Variants in ZNF618 observed in about 807,000 individuals in gnomAD.
ZNF618 encodes the protein neural precursor cell expressed, developmentally down-regulated 10.
Under a neutral mutation model 103.0 loss-of-function variants are expected in ZNF618, and 34 were observed. The observed-to-expected ratio is 0.33, with a 90% CI of 0.25 to 0.44. ZNF618 has a LOEUF of 0.44. ZNF618 is among the 20% of genes least tolerant of loss of function. The pLI is 1.00. For synonymous variants in ZNF618, 551 were observed against 542.2 expected (o/e 1.02, Z -0.23); for missense variants, 1,059 against 1,295.4 (o/e 0.82, Z 2.80).
At chr9:113,929,423 T>G (rs1449982614) in intron 1 of ZNF618, among the ~76,000 whole-genome samples, 1 of 152,206 alleles carries the variant, frequency 6.6e-6, no homozygotes, top group Non-Finnish European at 1.5e-5. Flanking sequence ...TTTTGCAGCT[T>G]TTTTCTTGTT....
intron 1 of ZNF618, among the ~76,000 whole-genome samples, chr9:113,958,367 A>T (rs1400556264): frequency 6.6e-6 from 1 of 152,192 alleles, no homozygotes; most frequent in Non-Finnish European, 1.5e-5. Flanking sequence ...ATTAAATGAA[A>T]TGATGCATGC....
intron 1 of ZNF618, among the ~76,000 whole-genome samples, chr9:113,906,486 G>T (rs1024488043): frequency 2.6e-5 from 4 of 152,154 alleles, no homozygotes; most frequent in African/African-American, 9.7e-5. Context: ...AGTGGGGGTG[G>T]CTGGGGAGGA....
intron 1 of ZNF618, among the ~76,000 whole-genome samples, chr9:113,918,867 T>C (rs955363732): frequency 6.6e-6 from 1 of 152,194 alleles, no homozygotes; most frequent in Non-Finnish European, 1.5e-5. Flanking sequence ...CACTCACTGT[T>C]GTATTCTTAG....
At chr9:113,901,311 C>T (rs540854980) in intron 1 of ZNF618, among the ~76,000 whole-genome samples, 6 of 152,196 alleles carry the variant, frequency 3.9e-5, no homozygotes, top group Admixed American at 2.6e-4. Flanking sequence ...ACATTTAAAA[C>T]GGGCATCTCC....
intron 13 of ZNF618, among the ~76,000 whole-genome samples, chr9:114,039,044 AAGGCTATG>A (rs1343652460): frequency 1.3e-4 from 20 of 152,230 alleles, no homozygotes; most frequent in Admixed American, 3.3e-4. Flanking sequence ...TAACTTGTCC[AAGGCTATG>A]CAGTCACTGT....
chr9:113,917,235 C>CTTTT (rs56300784), intron 1 of ZNF618, among the ~76,000 whole-genome samples: 778 of 74,240 alleles, frequency 0.01, no homozygotes, highest in East Asian at 0.013. Context: ...TCTCTCTATC[C>CTTTT]TTTTTTTTTT....
intron 2 of ZNF618, among the ~76,000 whole-genome samples, chr9:113,978,291 C>A (rs1023309397): frequency 3.3e-5 from 5 of 152,228 alleles, no homozygotes; most frequent in African/African-American, 1.2e-4. Flanking sequence ...TCTCTCTCAG[C>A]TCTCCCAGGC....
At chr9:113,891,351 T>G (rs1829602594) in intron 1 of ZNF618, among the ~76,000 whole-genome samples, 1 of 152,190 alleles carries the variant, frequency 6.6e-6, no homozygotes, top group South Asian at 2.1e-4. Context: ...TGAATAGACA[T>G]TTCTCCGAAG....
chr9:113,924,899 T>G (rs1159593768), intron 1 of ZNF618, among the ~76,000 whole-genome samples: 1 of 152,016 alleles, frequency 6.6e-6, no homozygotes, highest in Non-Finnish European at 1.5e-5. Context: ...TTTTGTGTGG[T>G]TTCTGTTCTT....
chr9:114,038,633 T>C (rs1415196385), intron 13 of ZNF618, among the ~76,000 whole-genome samples: 1 of 152,230 alleles, frequency 6.6e-6, no homozygotes, highest in Non-Finnish European at 1.5e-5. Flanking sequence ...TTCTGTGCTG[T>C]AGGAAAACCT....
intron 9 of ZNF618, chr9:114,016,119 A>G (rs1301797025): frequency 1.9e-6 from 3 of 1,611,722 alleles, no homozygotes; most frequent in Non-Finnish European, 1.7e-6. Flanking sequence ...CCAGTGAACA[A>G]TATTACATCA....
chr9:114,041,988 A>G (rs1011573622), intron 13 of ZNF618, among the ~76,000 whole-genome samples: 1 of 152,090 alleles, frequency 6.6e-6, no homozygotes, highest in African/African-American at 2.4e-5. Flanking sequence ...ATTTGTTTGT[A>G]TCCTCTTTTA....
intron 1 of ZNF618, among the ~76,000 whole-genome samples, chr9:113,879,471 A>G (rs369880369): frequency 4.9e-5 from 6 of 123,672 alleles, no homozygotes; most frequent in East Asian, 2.3e-4. Flanking sequence ...TGATGGTTCT[A>G]TTGGGGGCGG....
At position 114,034,974 on chromosome 9, in the gene ZNF618, G is replaced by A. The variant is rs960641139; in HGVS notation, c.1169-1326G>A. Among the ~76,000 whole-genome samples the A allele has an allele frequency of 2.0e-5, 3 of 152,104 alleles. No homozygotes were observed. In the East Asian group the frequency reaches 5.8e-4, roughly 29 times the overall value. On this transcript the variant is annotated intron_variant, in intron 12 of 14. Transcript: ENST00000374126. ...GTGACTTGTCTTGCCCTGCCTGGTG[G>A]CCCCAGCACCCACAGTAAACCTTGA... is the stretch of plus-strand genomic sequence containing the variant.
intron 3 of ZNF618, among the ~76,000 whole-genome samples, chr9:113,994,726 C>T (rs1251333281): frequency 6.6e-6 from 1 of 152,116 alleles, no homozygotes; most frequent in Non-Finnish European, 1.5e-5. Context: ...TAGCTGGAAC[C>T]TCAGGACATT....
intron 2 of ZNF618, among the ~76,000 whole-genome samples, chr9:113,978,448 A>G (rs1023488969): frequency 8.5e-5 from 13 of 152,338 alleles, no homozygotes; most frequent in Admixed American, 6.5e-4. Flanking sequence ...GCAAGCGCAG[A>G]GCCCAGGCGC....
chr9:113,957,263 T>C (rs981381386), intron 1 of ZNF618, among the ~76,000 whole-genome samples: 1 of 152,240 alleles, frequency 6.6e-6, no homozygotes, highest in Non-Finnish European at 1.5e-5. Context: ...GAGAATATTA[T>C]AGACTCTCTA....
chr9:114,019,235 G>A (rs1434190542), intron 10 of ZNF618, among the ~76,000 whole-genome samples: 1 of 152,144 alleles, frequency 6.6e-6, no homozygotes, highest in Non-Finnish European at 1.5e-5. Flanking sequence ...AATACCGTTT[G>A]TTAGCCATTT....
chr9:113,998,200 C>CT, intron 3 of ZNF618, 59 bp from the exon 4 acceptor site: 2 of 1,507,438 alleles, frequency 1.3e-6, no homozygotes, highest in Non-Finnish European at 1.8e-6. Flanking sequence ...CGCCCCTTCC[C>CT]TAACCTTCCA....
Sources: gnomAD v4.1 joint callset for allele counts (sites outside exome capture counted in the v4.1 genomes callset) on GRCh38, gnomAD v4.1.1 for gene constraint, MANE v1.5 for transcripts, NCBI Gene and HGNC (gene_info 2026-07-23, HGNC 2026-07-21) for gene names.